The following SLC15A2 variants were observed in gnomAD, a reference collection of about 807,000 sequenced individuals.
SLC15A2 encodes kidney H(+)/peptide cotransporter.
In SLC15A2, 77 loss-of-function variants were observed where a neutral mutation model predicts 95.5. That is an observed-to-expected ratio of 0.81 (90% CI 0.67 to 0.97). The LOEUF (loss-of-function observed/expected upper bound fraction) is 0.97, where lower values mean the gene tolerates loss of function less well. SLC15A2 is among the 50% of genes least tolerant of loss of function. The pLI, the probability that SLC15A2 is intolerant of heterozygous loss-of-function variation, is 0.00. For synonymous variants in SLC15A2, 306 were observed against 306.9 expected, an observed-to-expected ratio of 1.00 and a Z score of 0.03; for missense variants, 893 against 874.4, an observed-to-expected ratio of 1.02 and a Z score of -0.27.
intron 19 of SLC15A2, among the ~76,000 whole-genome samples, chr3:121,935,906 C>T (rs1277993530): frequency 1.3e-5 from 2 of 152,076 alleles, no homozygotes; most frequent in Admixed American, 6.6e-5. Flanking sequence ...GCATTTAGTG[C>T]TATAAATTTC....
intron 7 of SLC15A2, among the ~76,000 whole-genome samples, chr3:121,920,551 C>A (rs1326472227): frequency 2.0e-5 from 3 of 152,182 alleles, no homozygotes; most frequent in Non-Finnish European, 4.4e-5. Flanking sequence ...CCGCCTTAGC[C>A]TTCCAAACTG....
In SLC15A2 at chr3:121,896,473, T is replaced by C. The variant is rs778421400; in HGVS notation, c.173T>C (p.Phe58Ser). 18 of 1,613,926 alleles carry C rather than the reference T, an allele frequency of 1.1e-5. No individual in the cohort carries two copies. The highest frequency in any genetic ancestry group is 3.3e-5 in the Admixed American group (2 of 60,000). Residue 58 changes from phenylalanine (F) to serine (S), a missense_variant, in exon 2 of 22, where the codon TTT (phenylalanine) becomes TCT (serine). Coordinates refer to ENST00000489711, the MANE Select transcript of SLC15A2 (RefSeq NM_021082.4). Reference sequence around the variant, plus strand: ...GTGGTGAATGAATTCTGCGAGCGCTTTTCCTATTATGGAATGAAAGGTAAT... The same window carrying C: ...GTGGTGAATGAATTCTGCGAGCGCTCTTCCTATTATGGAATGAAAGGTAAT... ...FIVVNEFCERFSYYGMKAVLI... is the reference protein window; with the variant it reads ...FIVVNEFCERSSYYGMKAVLI...
At chr3:121,904,402 T>C (rs1003633170) in intron 3 of SLC15A2, among the ~76,000 whole-genome samples, 4 of 152,188 alleles carry the variant, frequency 2.6e-5, no homozygotes, top group African/African-American at 9.7e-5. Flanking sequence ...ATAGAAGTGG[T>C]GAGAGAGGGC....
At chr3:121,913,942 T>TC (rs1327467756) in intron 5 of SLC15A2, among the ~76,000 whole-genome samples, 26 of 147,628 alleles carry the variant, frequency 1.8e-4, no homozygotes, top group South Asian at 6.6e-4. Flanking sequence ...TTTCTCTCTC[T>TC]CCCCCCCACC....
At chr3:121,929,865 AG>A in intron 17 of SLC15A2, among the ~76,000 whole-genome samples, 1 of 152,302 alleles carries the variant, frequency 6.6e-6, no homozygotes, top group East Asian at 1.9e-4. Context: ...AGTACCCAAG[AG>A]GACATGTGTT....
intron 19 of SLC15A2, among the ~76,000 whole-genome samples, chr3:121,934,799 T>C (rs1226814138): frequency 1.3e-5 from 2 of 152,130 alleles, no homozygotes; most frequent in Non-Finnish European, 2.9e-5. Context: ...TCCAACACTA[T>C]GTTGAATAGG....
chr3:121,928,721 T>C (rs956217228), intron 15 of SLC15A2, among the ~76,000 whole-genome samples, 166 bp downstream of exon 15: 1 of 152,244 alleles, frequency 6.6e-6, no homozygotes, highest in African/African-American at 2.4e-5. Context: ...TACCATAGTT[T>C]ATTTAGACAT....
Position 121,916,661 on chromosome 3 carries a change from T to C in SLC15A2, c.697+968T>C, listed in dbSNP as rs564189083. ...TGATAATAATATTTACATAACAGAG[T>C]AATTATGAAGATAAAACAGAGATGC... On this transcript the variant is annotated intron_variant, in intron 7 of 21. Coordinates refer to ENST00000489711, the MANE Select transcript of SLC15A2 (RefSeq NM_021082.4). Among the ~76,000 whole-genome samples, 21 of 152,174 alleles carry C rather than the reference T, an allele frequency of 1.4e-4. 1 individual carries two copies. The South Asian group carries it at 3.3e-3, about 24-fold the overall frequency.
Position 121,943,841 on chromosome 3 carries a change from A to AGC in SLC15A2, c.*2835_*2836dup, listed in dbSNP as rs1710502705. On this transcript the variant is annotated 3_prime_UTR_variant, in exon 22 of 22. Transcript: ENST00000489711. ...TTTCTCCTAGGCTACAAACCTGCAC[A>AGC]GCATGTTACTGTATTAAATGCTGTA... is the stretch of plus-strand genomic sequence containing the variant. The AGC allele has an allele frequency of 2.0e-5, 3 of 152,392 alleles. No individual in the cohort carries two copies. Among genetic ancestry groups the AGC allele is most frequent in the Non-Finnish European group, 4.4e-5 (3 of 68,040 alleles). 9.4% of individuals were successfully genotyped at this position (152,392 alleles called of 1,614,324 possible). A position where few individuals can be genotyped will look rare whatever the true frequency, so the allele number is the denominator to read the frequency against.
intron 20 of SLC15A2, 77 bp downstream of exon 20, chr3:121,939,572 A>T: frequency 7.8e-7 from 1 of 1,281,758 alleles, no homozygotes; most frequent in East Asian, 2.7e-5. Context: ...GCACTGACTT[A>T]AATAGGTATG....
chr3:121,939,235 A>G (rs874741), intron 19 of SLC15A2, 114 bp from the exon 20 acceptor site: 401,340 of 879,856 alleles, frequency 0.46, 94,197 homozygotes, highest in East Asian at 0.72. Context: ...TTTCCTGAAA[A>G]TGGCTGAAGA....
intron 18 of SLC15A2, among the ~76,000 whole-genome samples, 197 bp downstream of exon 18, chr3:121,931,147 C>A (rs953141829): frequency 6.6e-6 from 1 of 152,150 alleles, no homozygotes; most frequent in African/African-American, 2.4e-5. Flanking sequence ...TCACGATTGC[C>A]GTGAAGACCA....
Position 121,915,269 on chromosome 3 carries a change from A to G in SLC15A2, c.571A>G (p.Ile191Val). Reference protein sequence around the residue: ...TRYFSVFYLSINAGSLISTFI... With the variant: ...TRYFSVFYLSVNAGSLISTFI... The stretch of plus-strand genomic sequence containing the variant: ...ATACTTCTCAGTCTTCTACCTGTCC[A>G]TCAATGCAGGGAGCTTGATTTCTAC... The change falls in exon 6 of 22, where the codon ATC becomes GTC. Residue 191 changes from isoleucine (I) to valine (V), a missense_variant. Ile to Val is a conservative substitution (Grantham distance 29). Coordinates refer to ENST00000489711, the MANE Select transcript of SLC15A2 (RefSeq NM_021082.4). 1 of 1,613,964 alleles carries G rather than the reference A, an allele frequency of 6.2e-7. No individual in the cohort carries two copies. Among genetic ancestry groups the G allele is most frequent in the Non-Finnish European group, 8.5e-7 (1 of 1,179,888 alleles).
Position 121,930,880 on chromosome 3 carries a change from A to C in SLC15A2, c.1594A>C (p.Ser532Arg). 6.2e-7 allele frequency: 1 copy of C among 1,613,590 alleles called. No individual in the cohort carries two copies. Among genetic ancestry groups the C allele is most frequent in the Non-Finnish European group, 8.5e-7 (1 of 1,179,514 alleles). Residue 532 changes from serine (S) to arginine (R), a missense_variant, in exon 18 of 22, where the codon AGT (serine) becomes CGT (arginine). Coordinates refer to ENST00000489711, the MANE Select transcript of SLC15A2 (RefSeq NM_021082.4). Reference protein sequence around the residue: ...TLHKDVNISLSTDTSLNVGED... With the variant: ...TLHKDVNISLRTDTSLNVGED... ...GCATAAAGATGTCAACATCTCCCTG[A>C]GTACAGATACCTCTCTCAATGTTGG...
chr3:121,936,412 G>A (rs900674663), intron 19 of SLC15A2, among the ~76,000 whole-genome samples: 3 of 152,038 alleles, frequency 2.0e-5, no homozygotes, highest in Non-Finnish European at 2.9e-5. Flanking sequence ...GTCTCTTTGT[G>A]GGTCACTGAG....
rs542302993 is a variant in SLC15A2, at chr3:121,894,500, G to A, written c.24G>A (p.Glu8=). Residue 8 remains glutamate (E), a synonymous_variant, in exon 1 of 22, where the codon GAG becomes GAA. Coordinates refer to ENST00000489711, the MANE Select transcript of SLC15A2 (RefSeq NM_021082.4). Reference sequence around the variant, plus strand: ...CCATGAATCCTTTCCAGAAAAATGAGTCCAAGGAAACTCTTTTTTCACCTG... The same window carrying A: ...CCATGAATCCTTTCCAGAAAAATGAATCCAAGGAAACTCTTTTTTCACCTG... MNPFQKN[E]SKETLFSPVS... is the part of the protein sequence containing the mutation. The A allele has an allele frequency of 1.7e-5, 28 of 1,613,422 alleles. No individual in the cohort carries two copies. The highest frequency in any genetic ancestry group is 1.6e-4 in the African/African-American group (12 of 74,974).
chr3:121,910,777 T>A (rs1181345442), intron 3 of SLC15A2, among the ~76,000 whole-genome samples: 1 of 152,194 alleles, frequency 6.6e-6, no homozygotes, highest in African/African-American at 2.4e-5. Context: ...AAGGAATATA[T>A]GTTGTAGTGC....
At chr3:121,940,752 C>A in intron 21 of SLC15A2, 79 bp from the exon 22 acceptor site, 1 of 1,454,590 alleles carries the variant, frequency 6.9e-7, no homozygotes, top group Non-Finnish European at 9.3e-7. Flanking sequence ...GGTCAGTCTG[C>A]TCCCCACTCC....
Position 121,915,286 on chromosome 3 carries a change from G to C in SLC15A2, c.588G>C (p.Leu196Phe), listed in dbSNP as rs1709869336. ...VFYLSINAGS[L>F]ISTFITPMLR... ...ACCTGTCCATCAATGCAGGGAGCTT[G>C]ATTTCTACATTTATCACACCCATGC... Residue 196 changes from leucine to phenylalanine, a missense_variant, in exon 6 of 22, where the codon TTG becomes TTC. By Grantham distance (22) the Leu-to-Phe change is conservative. Coordinates refer to ENST00000489711, the MANE Select transcript of SLC15A2 (RefSeq NM_021082.4). 1 of 1,613,156 alleles carries C rather than the reference G, an allele frequency of 6.2e-7. No homozygotes were observed. Among genetic ancestry groups the C allele is most frequent in the South Asian group, 1.1e-5 (1 of 91,038 alleles).
Sources: gnomAD v4.1 joint callset for allele counts (sites outside exome capture counted in the v4.1 genomes callset) on GRCh38, gnomAD v4.1.1 for gene constraint, MANE v1.5 for transcripts, NCBI Gene and HGNC (gene_info 2026-07-23, HGNC 2026-07-21) for gene names.